Variants in RPTOR observed in about 807,000 individuals in gnomAD.
RPTOR encodes regulatory associated protein of MTOR complex 1, also known as regulatory-associated protein of mTOR.
A neutral mutation model predicts 169.9 loss-of-function variants in RPTOR; 21 were observed. The observed-to-expected ratio is 0.12, with a 90% CI of 0.09 to 0.18. The LOEUF is 0.18. RPTOR is among the 10% of genes least tolerant of loss of function. RPTOR has a pLI of 1.00. For missense variants in RPTOR, 1,133 were observed against 1,855.9 expected (o/e 0.61, Z 7.16); for synonymous variants, 732 against 753.2 (o/e 0.97, Z 0.46).
chr17:80,812,391 A>G (rs1398394684), intron 7 of RPTOR, among the ~76,000 whole-genome samples: 1 of 151,850 alleles, frequency 6.6e-6, no homozygotes, highest in Non-Finnish European at 1.5e-5. Context: ...TTGTACAGGT[A>G]TTTGGGGTGA....
chr17:80,604,907 CA>C (rs2065217587), intron 1 of RPTOR, among the ~76,000 whole-genome samples: 1 of 149,804 alleles, frequency 6.7e-6, no homozygotes, highest in Admixed American at 6.8e-5. Flanking sequence ...AACACAGAGC[CA>C]AGTCATATCT....
intron 1 of RPTOR, among the ~76,000 whole-genome samples, chr17:80,611,123 G>T (rs2065267450): frequency 6.6e-6 from 1 of 152,134 alleles, no homozygotes; most frequent in African/African-American, 2.4e-5. Flanking sequence ...ACAATTGGAA[G>T]ACCTGAAAGA....
At chr17:80,827,688 G>A (rs1037702967) in intron 9 of RPTOR, among the ~76,000 whole-genome samples, 12 of 152,170 alleles carry the variant, frequency 7.9e-5, no homozygotes, top group Non-Finnish European at 1.3e-4. Flanking sequence ...GAGAGGGTGA[G>A]AGTAAAGTCG....
At chr17:80,777,999 A>G (rs187043640) in intron 6 of RPTOR, among the ~76,000 whole-genome samples, 387 of 152,312 alleles carry the variant, frequency 2.5e-3, no homozygotes, top group Non-Finnish European at 3.9e-3. Context: ...GTGTTATTTC[A>G]TTATGCAGTT....
intron 25 of RPTOR, among the ~76,000 whole-genome samples, chr17:80,944,217 C>G (rs187466096): frequency 6.6e-6 from 1 of 152,216 alleles, no homozygotes; most frequent in African/African-American, 2.4e-5. Flanking sequence ...TAATAGATCC[C>G]TCAGTCAAGG....
At chr17:80,713,098 C>T (rs986549242) in intron 4 of RPTOR, among the ~76,000 whole-genome samples, 5 of 152,024 alleles carry the variant, frequency 3.3e-5, no homozygotes, top group South Asian at 2.1e-4. Context: ...GATGGGGTTT[C>T]GCTCTTGTTG....
intron 1 of RPTOR, among the ~76,000 whole-genome samples, chr17:80,605,565 C>T (rs1451736403): frequency 1.3e-5 from 2 of 152,106 alleles, no homozygotes; most frequent in Non-Finnish European, 2.9e-5. Flanking sequence ...ATCTAGTGAT[C>T]ATCAACACAA....
At chr17:80,841,173 C>T (rs1405572386) in intron 10 of RPTOR, among the ~76,000 whole-genome samples, 2 of 111,798 alleles carry the variant, frequency 1.8e-5, no homozygotes, top group Non-Finnish European at 1.8e-5. Flanking sequence ...TCACTCTCAC[C>T]GCACGGCAGC....
chr17:80,734,405 T>C (rs1227927657), intron 5 of RPTOR, among the ~76,000 whole-genome samples: 1 of 152,200 alleles, frequency 6.6e-6, no homozygotes, highest in Non-Finnish European at 1.5e-5. Context: ...CTCTCGATTT[T>C]CTCCTTTGTT....
chr17:80,855,666 G>A (rs2067844070), intron 12 of RPTOR, 119 bp downstream of exon 12: 1 of 773,250 alleles, frequency 1.3e-6, no homozygotes, highest in Non-Finnish European at 2.2e-6. Context: ...GAGACCCAGG[G>A]CGAGTGTGTC....
At chr17:80,826,202 G>A (rs1289276053) in intron 9 of RPTOR, among the ~76,000 whole-genome samples, 1 of 152,210 alleles carries the variant, frequency 6.6e-6, no homozygotes, top group Non-Finnish European at 1.5e-5. Context: ...CTCCCTCACA[G>A]TGTCTTGCTG....
At chr17:80,913,789 G>T (rs888932759) in intron 21 of RPTOR, among the ~76,000 whole-genome samples, 1 of 152,094 alleles carries the variant, frequency 6.6e-6, no homozygotes, top group South Asian at 2.1e-4. Context: ...TTCAGACTAT[G>T]TAGAAGTAGA....
intron 1 of RPTOR, among the ~76,000 whole-genome samples, chr17:80,592,837 G>A (rs1481649794): frequency 1.3e-5 from 2 of 152,160 alleles, no homozygotes; most frequent in African/African-American, 2.4e-5. Context: ...TTGTGAGGTC[G>A]GTTGCTAGGA....
chr17:80,948,419 T>C (rs2138123), intron 27 of RPTOR: 55,054 of 152,524 alleles, frequency 0.36, 10,669 homozygotes, highest in East Asian at 0.55. Flanking sequence ...AGATGCATAG[T>C]CGGGGCAGGG....
At chr17:80,858,008 C>T in intron 13 of RPTOR, 108 bp downstream of exon 13, 1 of 836,532 alleles carries the variant, frequency 1.2e-6, no homozygotes. Flanking sequence ...CGCTCCCTCT[C>T]CAGGCACCGC....
chr17:80,838,039 C>T, intron 10 of RPTOR, 42 bp downstream of exon 10: 1 of 1,541,808 alleles, frequency 6.5e-7, no homozygotes, highest in South Asian at 1.2e-5. Context: ...GCGGCGGCAG[C>T]CACTTCTCTG....
chr17:80,733,851 T>C (rs1352663344), intron 5 of RPTOR, among the ~76,000 whole-genome samples: 1 of 152,272 alleles, frequency 6.6e-6, no homozygotes, highest in Non-Finnish European at 1.5e-5. Flanking sequence ...GTAAACTTTG[T>C]GGTTTCAAGT....
intron 1 of RPTOR, among the ~76,000 whole-genome samples, chr17:80,566,491 G>T (rs538011508): frequency 6.6e-6 from 1 of 152,212 alleles, no homozygotes; most frequent in Admixed American, 6.5e-5. Flanking sequence ...CTTATACACA[G>T]GTATGGGAGG....
At position 80,947,320 on chromosome 17, in the gene RPTOR, C is replaced by A. The variant is rs1326409862; in HGVS notation, c.3234C>A (p.Gly1078=). The change falls in exon 27 of 34, where the codon GGC becomes GGA. Residue 1078 remains glycine, a synonymous_variant. Coordinates refer to ENST00000306801, the MANE Select transcript of RPTOR (RefSeq NM_020761.3). This position sits in a 1 kb window ranked among gnomAD's most constrained non-coding sequence, Gnocchi z 4.4. Reference sequence around the variant, plus strand: ...TCACTGCCATGGAGTATCTGAACGGCCAGGACTGCTCGCTTCTGCTGACGG... The same window carrying A: ...TCACTGCCATGGAGTATCTGAACGGACAGGACTGCTCGCTTCTGCTGACGG... ...TRVTAMEYLN[G]QDCSLLLTAT... is the part of the protein sequence containing the mutation. 3 of 1,589,014 alleles carry A rather than the reference C, an allele frequency of 1.9e-6. No individual in the cohort carries two copies. The South Asian group carries it at 3.5e-5, about 18-fold the overall frequency.
Sources: allele counts gnomAD v4.1 joint callset (sites outside exome capture counted in the v4.1 genomes callset), GRCh38; gene constraint gnomAD v4.1.1; non-coding constraint Gnocchi (gnomAD v3.1); transcripts MANE v1.5; gene names NCBI Gene and HGNC (gene_info 2026-07-23, HGNC 2026-07-21).